The following DAB1 variants were observed in gnomAD, a reference collection of about 807,000 sequenced individuals.
DAB1 encodes disabled homolog 1.
A neutral mutation model predicts 64.6 loss-of-function variants in DAB1; 15 were observed. The observed-to-expected ratio is 0.23, with a 90% CI of 0.16 to 0.36. The LOEUF (loss-of-function observed/expected upper bound fraction) is 0.36. DAB1 is among the 10% of genes least tolerant of loss of function. The pLI is 1.00. For synonymous variants in DAB1, 235 were observed against 251.9 expected (o/e 0.93, Z 0.64); for missense variants, 596 against 706.7 (o/e 0.84, Z 1.78).
rs571497658 is a variant in DAB1, at chr1:58,351,332, T to C, written n.258-7929A>G. Among the ~76,000 whole-genome samples the C allele has an allele frequency of 1.9e-3, 291 of 152,272 alleles. 10 individuals carry two copies. The South Asian group carries it at 0.053, about 28-fold the overall frequency. On this transcript the variant is annotated intron_variant and non_coding_transcript_variant, in intron 3 of 20. Transcript: ENST00000485760. ...ACCACTACTTTCAAAGAGTCAAATA[T>C]GTGAAACAGCCCGGAAAGATCAAAA... is the stretch of plus-strand genomic sequence containing the variant.
intron 5 of DAB1, among the ~76,000 whole-genome samples, chr1:58,103,380 A>G (rs1394150896): frequency 6.6e-6 from 1 of 152,132 alleles, no homozygotes; most frequent in Non-Finnish European, 1.5e-5. Flanking sequence ...TGTGGGCCAT[A>G]TACTCTGTTG....
intron 5 of DAB1, among the ~76,000 whole-genome samples, chr1:57,952,320 T>C (rs1018763396): frequency 2.0e-5 from 3 of 152,092 alleles, no homozygotes; most frequent in Non-Finnish European, 4.4e-5. Context: ...GATGAAGCAA[T>C]AGAAAGAAGA....
At chr1:57,136,500 C>T (rs1246659499) in intron 4 of DAB1, 43 bp downstream of exon 4, 2 of 1,204,458 alleles carry the variant, frequency 1.7e-6, no homozygotes, top group African/African-American at 3.0e-5. Context: ...GTACATCTGT[C>T]AATGGATAAA....
intron 5 of DAB1, among the ~76,000 whole-genome samples, chr1:57,924,499 G>A (rs1246227275): frequency 1.3e-5 from 2 of 151,918 alleles, no homozygotes; most frequent in Admixed American, 1.3e-4. Context: ...TCGCTTTGTT[G>A]CCCAGGCTGG....
intron 4 of DAB1, among the ~76,000 whole-genome samples, chr1:57,123,422 A>C (rs17115097): frequency 0.023 from 3,577 of 152,312 alleles, 153 homozygotes; most frequent in African/African-American, 0.083. Context: ...GAGGCATTCA[A>C]ACTAAAGTTT....
intron 3 of DAB1, among the ~76,000 whole-genome samples, chr1:58,505,001 A>T (rs1017526297): frequency 5.9e-5 from 9 of 151,928 alleles, no homozygotes; most frequent in Non-Finnish European, 1.2e-4. Context: ...GTCGCTGACT[A>T]GAGTGCAGTG....
chr1:58,329,642 T>C (rs1308586083), intron 4 of DAB1, among the ~76,000 whole-genome samples: 1 of 152,224 alleles, frequency 6.6e-6, no homozygotes, highest in Non-Finnish European at 1.5e-5. Context: ...CAACATTATT[T>C]TTCCAACAGC....
intron 4 of DAB1, among the ~76,000 whole-genome samples, chr1:58,319,822 A>G (rs1178741733): frequency 6.6e-6 from 1 of 152,162 alleles, no homozygotes; most frequent in African/African-American, 2.4e-5. Flanking sequence ...AGTGTCCAAT[A>G]TCTTTCTCCC....
intron 2 of DAB1, among the ~76,000 whole-genome samples, chr1:57,184,453 C>A (rs1474512067): frequency 6.6e-6 from 1 of 152,152 alleles, no homozygotes; most frequent in Non-Finnish European, 1.5e-5. Context: ...CCGTGCCAAC[C>A]CTGTCCTCTG....
chr1:57,668,666 T>G (rs924463400), intron 6 of DAB1, among the ~76,000 whole-genome samples: 1 of 152,046 alleles, frequency 6.6e-6, no homozygotes, highest in Non-Finnish European at 1.5e-5. Context: ...TCATATAACA[T>G]TGCCTCTTAA....
chr1:57,221,288 C>T (rs1666848933), intron 2 of DAB1, among the ~76,000 whole-genome samples: 2 of 151,954 alleles, frequency 1.3e-5, no homozygotes, highest in South Asian at 2.1e-4. Flanking sequence ...AGGAGATATA[C>T]CTAATGTAAA....
Position 58,066,696 on chromosome 1 carries a change from T to C in DAB1, n.387+83815A>G, listed in dbSNP as rs1220975393. Among the ~76,000 whole-genome samples the C allele has an allele frequency of 2.6e-5, 4 of 152,142 alleles. No homozygotes were observed. In the East Asian group the frequency reaches 7.7e-4, roughly 29 times the overall value. Reference sequence around the variant, plus strand: ...GCTCTCGGGTGGCACCTCTGACTATTGCACTGTGCTGCTGCCCCAGGTGCA... The same window carrying C: ...GCTCTCGGGTGGCACCTCTGACTATCGCACTGTGCTGCTGCCCCAGGTGCA... On this transcript the variant is annotated intron_variant and non_coding_transcript_variant, in intron 5 of 20. Transcript: ENST00000485760.
intron 7 of DAB1, among the ~76,000 whole-genome samples, chr1:57,495,727 A>G (rs937962055): frequency 2.6e-5 from 4 of 152,214 alleles, no homozygotes; most frequent in Non-Finnish European, 1.5e-5. Flanking sequence ...TGCTTTCCTT[A>G]GTACTAGTGA....
intron 7 of DAB1, among the ~76,000 whole-genome samples, chr1:57,590,838 C>A (rs1250934261): frequency 6.6e-6 from 1 of 151,418 alleles, no homozygotes; most frequent in East Asian, 1.9e-4. Flanking sequence ...GAATATGATT[C>A]AGAAAAGCAA....
chr1:57,988,492 G>A (rs1314801399), intron 5 of DAB1, among the ~76,000 whole-genome samples: 1 of 152,202 alleles, frequency 6.6e-6, no homozygotes, highest in East Asian at 1.9e-4. Context: ...CAGGAACCTT[G>A]AGTTCCCTCC....
intron 6 of DAB1, among the ~76,000 whole-genome samples, chr1:57,768,351 A>C (rs1277310781): frequency 6.6e-6 from 1 of 151,774 alleles, no homozygotes; most frequent in African/African-American, 2.4e-5. Context: ...TGTTGTAAAG[A>C]TCAAAGGAGA....
At chr1:57,092,745 T>G (rs1653811195) in intron 4 of DAB1, among the ~76,000 whole-genome samples, 1 of 145,090 alleles carries the variant, frequency 6.9e-6, no homozygotes, top group South Asian at 2.3e-4. Flanking sequence ...AAGTGCAGGG[T>G]GACGGGGGAA....
At chr1:57,446,829 G>A (rs1054090819) in intron 7 of DAB1, among the ~76,000 whole-genome samples, 2 of 152,002 alleles carry the variant, frequency 1.3e-5, no homozygotes, top group African/African-American at 4.8e-5. Context: ...GTTTCTCTTG[G>A]GGATGAAAAA....
chr1:57,537,467 A>G (rs1644744291), intron 7 of DAB1, among the ~76,000 whole-genome samples: 1 of 152,228 alleles, frequency 6.6e-6, no homozygotes, highest in Non-Finnish European at 1.5e-5. Flanking sequence ...CACTCACTGT[A>G]TATCAAAATC....
Sources: gnomAD v4.1 joint callset for allele counts (sites outside exome capture counted in the v4.1 genomes callset) on GRCh38, gnomAD v4.1.1 for gene constraint, MANE v1.5 for transcripts, NCBI Gene and HGNC (gene_info 2026-07-23, HGNC 2026-07-21) for gene names.